Variants in SLC22A25 observed in about 807,000 individuals in gnomAD.
SLC22A25 encodes the protein solute carrier family 22 member 25.
A neutral mutation model predicts 45.9 loss-of-function variants in SLC22A25; 44 were observed. That is an observed-to-expected ratio of 0.96 (90% CI 0.75 to 1.23). The LOEUF is 1.23. Among genes scored for constraint, SLC22A25 ranks in the 50% most tolerant of loss-of-function variants. SLC22A25 has a pLI of 0.00. For missense variants in SLC22A25, 800 were observed against 666.4 expected, an observed-to-expected ratio of 1.20 and a Z score of -2.21; for synonymous variants, 283 against 238.6, an observed-to-expected ratio of 1.19 and a Z score of -1.72.
At chr11:63,192,022 A>G (rs2088834276) in intron 7 of SLC22A25, among the ~76,000 whole-genome samples, 1 of 152,188 alleles carries the variant, frequency 6.6e-6, no homozygotes, top group Non-Finnish European at 1.5e-5. Context: ...TCTTCAAAAC[A>G]CATAATATTC....
rs1006352820 is a variant in SLC22A25 at position 63,243,472 on chromosome 11, C to T, written c.-1034G>A. On this transcript the variant is annotated 5_prime_UTR_variant, in exon 1 of 12. An upstream open reading frame in the 5' UTR gains an earlier in-frame stop. Transcript: ENST00000306494. ...TCGCCAGGATCCCAACTTCAAAGTC[C>T]CATCTGCAACTCCTGGGTGCTGTCT... The T allele has an allele frequency of 6.6e-6, 5 of 761,598 alleles. No homozygotes were observed. Among genetic ancestry groups the T allele is most frequent in the East Asian group, 2.5e-5 (1 of 40,680 alleles). 47.2% of individuals were successfully genotyped at this position (761,598 alleles called of 1,614,324 possible).
At chr11:63,233,984 C>T (rs1380957425) in intron 3 of SLC22A25, among the ~76,000 whole-genome samples, 3 of 152,158 alleles carry the variant, frequency 2.0e-5, no homozygotes, top group Non-Finnish European at 4.4e-5. Context: ...AGTTTGATTG[C>T]ACTGTGGCCT....
chr11:63,164,150 A>T, intron 11 of SLC22A25, 77 bp from the exon 12 acceptor site: 1 of 1,504,392 alleles, frequency 6.6e-7, no homozygotes, highest in Non-Finnish European at 8.9e-7. Context: ...TTTTGCTGTG[A>T]TTATGGATGA....
intron 7 of SLC22A25, among the ~76,000 whole-genome samples, chr11:63,193,253 CTGTAT>C: frequency 6.6e-6 from 1 of 150,384 alleles, no homozygotes; most frequent in South Asian, 2.1e-4. Flanking sequence ...TGGGTGATTT[CTGTAT>C]ATCCAACTGA....
chr11:63,221,495 G>C (rs1162663955), intron 5 of SLC22A25, among the ~76,000 whole-genome samples: 1 of 151,902 alleles, frequency 6.6e-6, no homozygotes, highest in African/African-American at 2.4e-5. Context: ...TTTTCCTACA[G>C]AGTTGTGCAC....
intron 9 of SLC22A25, among the ~76,000 whole-genome samples, chr11:63,173,643 G>T (rs2087973028): frequency 6.6e-6 from 1 of 152,090 alleles, no homozygotes; most frequent in Non-Finnish European, 1.5e-5. Flanking sequence ...AGTGCTTCTT[G>T]TAAGTGTACA....
chr11:63,193,546 T>A (rs1178647167), intron 7 of SLC22A25, among the ~76,000 whole-genome samples: 1 of 152,100 alleles, frequency 6.6e-6, no homozygotes, highest in Non-Finnish European at 1.5e-5. Context: ...TCCAGCAAAC[T>A]CCAACAGACC....
intron 7 of SLC22A25, among the ~76,000 whole-genome samples, chr11:63,205,344 C>T (rs2089369093): frequency 6.6e-6 from 1 of 151,644 alleles, no homozygotes; most frequent in South Asian, 2.1e-4. Context: ...CCATGAAAAC[C>T]CTTCAAAAAA....
At chr11:63,226,021 C>A (rs1330525249) in intron 5 of SLC22A25, among the ~76,000 whole-genome samples, 1 of 152,068 alleles carries the variant, frequency 6.6e-6, no homozygotes, top group East Asian at 1.9e-4. Flanking sequence ...GTAAATTAAT[C>A]TAATAGGATT....
intron 7 of SLC22A25, among the ~76,000 whole-genome samples, chr11:63,186,816 T>G (rs2088569788): frequency 6.6e-6 from 1 of 152,302 alleles, no homozygotes; most frequent in East Asian, 1.9e-4. Context: ...TTTCCCTATT[T>G]CTTGTTTTTG....
chr11:63,198,571 G>T (rs942565990), intron 7 of SLC22A25, among the ~76,000 whole-genome samples: 1 of 152,122 alleles, frequency 6.6e-6, no homozygotes, highest in South Asian at 2.1e-4. Flanking sequence ...CCTGTCATGA[G>T]GTTGGGGGAT....
intron 9 of SLC22A25, among the ~76,000 whole-genome samples, chr11:63,172,906 G>T (rs2087941451): frequency 6.6e-6 from 1 of 152,092 alleles, no homozygotes; most frequent in South Asian, 2.1e-4. Context: ...CTACTATAAG[G>T]ACACATGCAC....
intron 3 of SLC22A25, among the ~76,000 whole-genome samples, 157 bp from the exon 4 acceptor site, chr11:63,230,253 A>G (rs946136120): frequency 2.6e-5 from 4 of 152,202 alleles, no homozygotes; most frequent in African/African-American, 4.8e-5. Context: ...GCATACCACA[A>G]ACTCACACTG....
chr11:63,182,241 G>A (rs1054088528), intron 8 of SLC22A25, among the ~76,000 whole-genome samples: 8 of 152,090 alleles, frequency 5.3e-5, no homozygotes, highest in Non-Finnish European at 1.0e-4. Context: ...TGGGTGCTGA[G>A]GGGACAGTCA....
chr11:63,219,115 A>G (rs1183925154), intron 5 of SLC22A25, among the ~76,000 whole-genome samples: 1 of 152,214 alleles, frequency 6.6e-6, no homozygotes, highest in African/African-American at 2.4e-5. Flanking sequence ...TAAAATTGTG[A>G]TGAACAACTT....
rs762826539 is a variant in SLC22A25 at position 63,229,247 on chromosome 11, T to C, written c.402+4A>G. 4.0e-6 allele frequency: 6 copies of C among 1,518,926 alleles called. No individual in the cohort carries two copies. The East Asian group carries it at 1.4e-4, about 35-fold the overall frequency. The allele number at this position is 1,518,926 out of a possible 1,614,324, so 94.1% of individuals were successfully genotyped here. ...ACACAAGAGAGGAAAATGAGGCCTC[T>C]TACCTTAGTCACAATGGTGGAAGGG... On this transcript the variant is annotated splice_donor_region_variant and intron_variant, in intron 4 of 11. Coordinates refer to ENST00000306494, the MANE Select transcript of SLC22A25 (RefSeq NM_199352.6).
At chr11:63,213,504 A>G (rs1452060726) in intron 7 of SLC22A25, among the ~76,000 whole-genome samples, 2 of 152,198 alleles carry the variant, frequency 1.3e-5, no homozygotes, top group Non-Finnish European at 2.9e-5. Context: ...AGATGCCAAC[A>G]AGCTAGCCCT....
At chr11:63,241,435 T>G (rs1226015463) in intron 1 of SLC22A25, among the ~76,000 whole-genome samples, 1 of 152,144 alleles carries the variant, frequency 6.6e-6, no homozygotes, top group Admixed American at 6.5e-5. Flanking sequence ...TCACACCTCA[T>G]GCCCACTCCA....
Position 63,230,109 on chromosome 11 carries a change from C to T in SLC22A25, c.-444-13G>A, listed in dbSNP as rs2134842803. 6.6e-6 allele frequency among the ~76,000 whole-genome samples: 1 copy of T among 152,282 alleles called. No individual in the cohort carries two copies. Among genetic ancestry groups the T allele is most frequent in the South Asian group, 2.1e-4 (1 of 4,822 alleles). ...CTTTTTCTTTTCTCTGTGAAAAGAA[C>T]AGAAAGCAAATGTCTTTCTTGTTAA... On this transcript the variant is annotated splice_polypyrimidine_tract_variant and intron_variant, in intron 3 of 11. Transcript: ENST00000306494.
Sources: gnomAD v4.1 joint callset for allele counts (sites outside exome capture counted in the v4.1 genomes callset) on GRCh38, gnomAD v4.1.1 for gene constraint, MANE v1.5 for transcripts, NCBI Gene and HGNC (gene_info 2026-07-23, HGNC 2026-07-21) for gene names.